Variants in CRHBP observed in about 807,000 individuals in gnomAD.
CRHBP encodes corticotropin releasing hormone binding protein.
CRHBP carries 19 observed loss-of-function variants against 34.9 expected under a neutral mutation model. The ratio of observed to expected loss-of-function variants is 0.55; its 90% CI spans 0.38 to 0.80. The LOEUF (loss-of-function observed/expected upper bound fraction) is 0.80. CRHBP is among the 30% of genes least tolerant of loss of function. The probability of loss-of-function intolerance (pLI) is 0.00; values close to 1 mark genes in which losing one functional copy is unlikely to be tolerated. For missense variants in CRHBP, 328 were observed against 409.2 expected, an observed-to-expected ratio of 0.80 and a Z score of 1.71; for synonymous variants, 154 against 153.4, an observed-to-expected ratio of 1.00 and a Z score of -0.03.
chr5:76,971,595 A>G (rs1745944815), downstream of CRHBP, among the ~76,000 whole-genome samples: 1 of 152,164 alleles, frequency 6.6e-6, no homozygotes, highest in African/African-American at 2.4e-5. Context: ...TCCTCACCCT[A>G]ATCCTAACGT....
chr5:76,960,445 A>G (rs1395828181), intron 5 of CRHBP, among the ~76,000 whole-genome samples: 1 of 152,194 alleles, frequency 6.6e-6, no homozygotes, highest in East Asian at 1.9e-4. Context: ...GTTTAAGTGC[A>G]GTGGTAAACC....
chr5:76,959,089 T>C, intron 5 of CRHBP, 200 bp downstream of exon 5: 1 of 501,944 alleles, frequency 2.0e-6, no homozygotes, highest in Non-Finnish European at 3.4e-6. Context: ...AGTTGCATAC[T>C]CAGGTGCCCC....
chr5:76,971,304 A>G (rs1219142517), downstream of CRHBP, among the ~76,000 whole-genome samples: 8 of 152,310 alleles, frequency 5.3e-5, no homozygotes, highest in Middle Eastern at 3.4e-3. Context: ...AGAAGGAGAA[A>G]GGTGCCTTCT....
chr5:76,963,257 T>A (rs1745809380), intron 5 of CRHBP, 86 bp from the exon 6 acceptor site: 2 of 1,027,948 alleles, frequency 1.9e-6, no homozygotes, highest in Non-Finnish European at 3.1e-6. Context: ...GCTGATTGAG[T>A]GAATTCATGG....
chr5:76,975,675 G>A (rs958484997), intron 2 of CRHBP, among the ~76,000 whole-genome samples: 10 of 150,244 alleles, frequency 6.7e-5, no homozygotes, highest in Non-Finnish European at 1.2e-4. Context: ...GTGGTTGTGC[G>A]TGCCTGTAAT....
intron 5 of CRHBP, among the ~76,000 whole-genome samples, chr5:76,962,038 G>A (rs1745786329): frequency 1.3e-5 from 2 of 152,178 alleles, no homozygotes; most frequent in African/African-American, 4.8e-5. Flanking sequence ...ACAGGCGTGA[G>A]CCACCATGCT....
chr5:76,958,868 C>T lies in CRHBP; in HGVS notation c.672C>T (p.His224=), dbSNP rs775127860. The T allele has an allele frequency of 8.7e-6, 14 of 1,613,768 alleles. No individual in the cohort carries two copies. Among genetic ancestry groups the T allele is most frequent in the Admixed American group, 8.3e-5 (5 of 59,952 alleles). Residue 224 remains histidine, a synonymous_variant, in exon 5 of 7, where the codon CAC becomes CAT. Coordinates refer to ENST00000274368, the MANE Select transcript of CRHBP (RefSeq NM_001882.4). ...VIKISDLTLG[H]VNGLQLKKSS... is the part of the protein sequence containing the mutation. Reference sequence around the variant, plus strand: ...AAATATCTGATCTTACCCTGGGACACGTAAATGGTCTTCAGTTAAAGGTGA... The same window carrying T: ...AAATATCTGATCTTACCCTGGGACATGTAAATGGTCTTCAGTTAAAGGTGA...
intron 3 of CRHBP, among the ~76,000 whole-genome samples, chr5:76,979,168 T>C (rs867761570): frequency 2.0e-5 from 3 of 152,164 alleles, no homozygotes; most frequent in South Asian, 4.1e-4. Context: ...TTCTTGTCTC[T>C]TCTTTTCTTT....
intron 2 of CRHBP, 137 bp from the exon 3 acceptor site, chr5:76,953,892 C>A: frequency 8.1e-7 from 1 of 1,240,490 alleles, no homozygotes; most frequent in Non-Finnish European, 1.1e-6. Context: ...CGCAGGAACC[C>A]AGCGCAGCCT....
At chr5:76,953,271 GCAGGCAGGCTGCCT>G in intron 1 of CRHBP, 56 bp downstream of exon 1, 1 of 1,541,200 alleles carries the variant, frequency 6.5e-7, no homozygotes, top group Non-Finnish European at 9.0e-7. Context: ...GCCCTAGGCG[GCAGGCAGGCTGCCT>G]CTGCTCGCAG....
intron 3 of CRHBP, among the ~76,000 whole-genome samples, chr5:76,978,342 C>T (rs1408113430): frequency 1.3e-5 from 2 of 152,162 alleles, no homozygotes; most frequent in Non-Finnish European, 2.9e-5. Context: ...CAGAATGACT[C>T]GTTAGGGGCT....
At chr5:76,980,274 A>AAAAG (rs1231478146) in intron 3 of CRHBP, among the ~76,000 whole-genome samples, 2 of 148,146 alleles carry the variant, frequency 1.4e-5, no homozygotes, top group African/African-American at 2.5e-5. Context: ...AAAAAAAAAA[A>AAAAG]AAAGAAAGCA....
intron 5 of CRHBP, 62 bp from the exon 6 acceptor site, chr5:76,963,281 C>A: frequency 7.0e-7 from 1 of 1,424,036 alleles, no homozygotes; most frequent in South Asian, 1.2e-5. Flanking sequence ...CGCTGTTGGT[C>A]AAATGGTTTG....
At chr5:76,973,836 GCT>G (rs1745981853), downstream of CRHBP, among the ~76,000 whole-genome samples, 1 of 134,034 alleles carries the variant, frequency 7.5e-6, no homozygotes, top group South Asian at 2.4e-4. Context: ...ACAGAGTCTT[GCT>G]CTGTCACTCA....
rs751440342 is a variant in CRHBP at position 76,954,065 on chromosome 5, C to G, written c.212C>G (p.Thr71Ser). The change falls in exon 3 of 7, where the codon ACC becomes AGC. Residue 71 changes from threonine (T) to serine (S), a missense_variant. Thr to Ser is a moderately conservative substitution (Grantham distance 58). Transcript: ENST00000274368. ...LDMLSLQGQF[T>S]FTADRPQLHC... ...ATGCTGAGCCTCCAGGGCCAGTTCA[C>G]CTTCACCGCCGACCGGCCGCAGCTG... The G allele has an allele frequency of 4.3e-6, 7 of 1,613,994 alleles. No homozygotes were observed. Among genetic ancestry groups the G allele is most frequent in the South Asian group, 3.3e-5 (3 of 91,084 alleles).
chr5:76,957,521 G>T (rs1162615919), intron 4 of CRHBP, among the ~76,000 whole-genome samples: 1 of 152,094 alleles, frequency 6.6e-6, no homozygotes, highest in Non-Finnish European at 1.5e-5. Context: ...GAGTAGCTGG[G>T]ATTACAGGCG....
At chr5:76,954,792 T>A (rs1289840727) in intron 3 of CRHBP, among the ~76,000 whole-genome samples, 1 of 152,124 alleles carries the variant, frequency 6.6e-6, no homozygotes, top group African/African-American at 2.4e-5. Flanking sequence ...GCTCACTGCC[T>A]CCTCGATTCC....
Position 76,968,995 on chromosome 5 carries a change from C to A in CRHBP, c.*110C>A. 7.5e-7 allele frequency: 1 copy of A among 1,326,636 alleles called. No homozygotes were observed. Among genetic ancestry groups the A allele is most frequent in the Non-Finnish European group, 1.0e-6 (1 of 961,096 alleles). The allele number at this position is 1,326,636 out of a possible 1,614,324, so 82.2% of individuals were successfully genotyped here. On this transcript the variant is annotated 3_prime_UTR_variant, in exon 7 of 7. Transcript: ENST00000274368. Reference sequence around the variant, plus strand: ...AAGCCTTTCATACCAGTCAGTATTCCCAGCCTTGAGCGCACGCGCGCACAC... The same window carrying A: ...AAGCCTTTCATACCAGTCAGTATTCACAGCCTTGAGCGCACGCGCGCACAC...
chr5:76,976,378 C>G (rs1746035486), exon 3 of CRHBP: 1 of 152,124 alleles, frequency 6.6e-6, no homozygotes, highest in Admixed American at 6.6e-5. Flanking sequence ...TGTTTAGGAC[C>G]AGCCCAGAAT....
Sources: gnomAD v4.1 joint callset for allele counts (sites outside exome capture counted in the v4.1 genomes callset) on GRCh38, gnomAD v4.1.1 for gene constraint, MANE v1.5 for transcripts, NCBI Gene and HGNC (gene_info 2026-07-23, HGNC 2026-07-21) for gene names.